Variants in KCND3 observed in about 807,000 individuals in gnomAD.
The protein encoded by KCND3 is A-type voltage-gated potassium channel KCND3.
A neutral mutation model predicts 51.1 loss-of-function variants in KCND3; 9 were observed. The ratio of observed to expected loss-of-function variants is 0.18; its 90% CI spans 0.11 to 0.31. The LOEUF is 0.31. KCND3 is among the 10% of genes least tolerant of loss of function. KCND3 has a pLI of 1.00. For missense variants in KCND3, 526 were observed against 903.8 expected, an observed-to-expected ratio of 0.58 and a Z score of 5.36; for synonymous variants, 349 against 368.0, an observed-to-expected ratio of 0.95 and a Z score of 0.59.
rs1256873692 is a variant in KCND3 at position 111,770,669 on chromosome 1, G to A, written c.*5408C>T. Reference sequence around the variant, plus strand: ...TATTCAAAGAAACAGTCATTTTAGGGTTTGTGGCACATAATTTGTTTAATC... The same window carrying A: ...TATTCAAAGAAACAGTCATTTTAGGATTTGTGGCACATAATTTGTTTAATC... On this transcript the variant is annotated 3_prime_UTR_variant, in exon 8 of 8. Transcript: ENST00000302127. The A allele has an allele frequency of 6.6e-6, 1 of 152,178 alleles. No homozygotes were observed. Among genetic ancestry groups the A allele is most frequent in the African/African-American group, 2.4e-5 (1 of 41,450 alleles). 9.4% of individuals were successfully genotyped at this position (152,178 alleles called of 1,614,324 possible). A position where few individuals can be genotyped will look rare whatever the true frequency, so the allele number is the denominator to read the frequency against.
In KCND3 at chr1:111,929,734, C is replaced by T. The variant is rs17029098; in HGVS notation, c.1106+51887G>A. On this transcript the variant is annotated intron_variant, in intron 2 of 7. Transcript: ENST00000302127. ...TGTCAAAGCAGTGCTCCTGGAGCTG[C>T]AGAGCTGAGTGGACAGGAACACCCT... Among the ~76,000 whole-genome samples the T allele has an allele frequency of 6.4e-3, 974 of 152,296 alleles. 11 individuals are homozygous for T. The highest frequency in any genetic ancestry group is 0.022 in the African/African-American group (899 of 41,564).
intron 2 of KCND3, among the ~76,000 whole-genome samples, chr1:111,957,560 A>T (rs1205035390): frequency 2.0e-5 from 3 of 146,988 alleles, no homozygotes; most frequent in South Asian, 2.2e-4. Context: ...ATATAAGTTT[A>T]AAAAAAAAAA....
At chr1:111,785,692 G>A (rs1664572785) in intron 3 of KCND3, among the ~76,000 whole-genome samples, 1 of 152,096 alleles carries the variant, frequency 6.6e-6, no homozygotes, top group Admixed American at 6.5e-5. Flanking sequence ...AACCTTTATA[G>A]CTTTGTGATG....
At chr1:111,857,533 A>G (rs1668135692) in intron 2 of KCND3, among the ~76,000 whole-genome samples, 1 of 152,164 alleles carries the variant, frequency 6.6e-6, no homozygotes, top group Non-Finnish European at 1.5e-5. Context: ...GGCAACCCTC[A>G]GTCAGAAGAA....
chr1:111,965,438 C>CCCCACACACACACACACACA (rs1553184422), intron 2 of KCND3, among the ~76,000 whole-genome samples: 3 of 72,420 alleles, frequency 4.1e-5, no homozygotes, highest in East Asian at 1.2e-3. Context: ...GCCAGCAAAA[C>CCCCACACACACACACACACA]CACACACACA....
rs537300041 is a variant in KCND3 at position 111,861,379 on chromosome 1, A to G, written c.1107-74273T>C. On this transcript the variant is annotated intron_variant, in intron 2 of 7. Coordinates refer to ENST00000302127, the MANE Select transcript of KCND3 (RefSeq NM_001378969.1). ...GCACATAGAGGTACTTTATGTGTAG[A>G]TTTAGGGATCCTTCTAAACTTCAAC... Among the ~76,000 whole-genome samples, 11 of 152,242 alleles carry G rather than the reference A, an allele frequency of 7.2e-5. No homozygotes were observed. The East Asian group carries it at 1.9e-3, about 27-fold the overall frequency.
intron 2 of KCND3, among the ~76,000 whole-genome samples, chr1:111,850,996 G>C (rs903923284): frequency 2.0e-5 from 3 of 152,086 alleles, no homozygotes; most frequent in Admixed American, 2.0e-4. Flanking sequence ...TTGAGCTCCT[G>C]TACTGTGCAG....
rs780973313 is a variant in KCND3, at chr1:111,780,651, C to A, written c.1371+39G>T. The A allele has an allele frequency of 9.9e-6, 15 of 1,511,414 alleles. No individual in the cohort carries two copies. Among genetic ancestry groups the A allele is most frequent in the Non-Finnish European group, 1.4e-5 (15 of 1,100,022 alleles). The allele number at this position is 1,511,414 out of a possible 1,614,324, so 93.6% of individuals were successfully genotyped here. On this transcript the variant is annotated intron_variant, in intron 4 of 7. Coordinates refer to ENST00000302127, the MANE Select transcript of KCND3 (RefSeq NM_001378969.1). The surrounding 1 kb of genome is among the most constrained non-coding windows in gnomAD (Gnocchi z 4.2). The stretch of plus-strand genomic sequence containing the variant: ...GGAAAGAGAAAACAAGCCCATCTAC[C>A]CCTTTATGTTCCCTAGCCCAGGTCC...
intron 2 of KCND3, among the ~76,000 whole-genome samples, chr1:111,792,245 T>C (rs1277786134): frequency 6.6e-6 from 1 of 152,182 alleles, no homozygotes; most frequent in East Asian, 1.9e-4. Context: ...CATTAGTGGG[T>C]CTCACAGTAA....
At chr1:111,792,058 TA>T (rs1490747203) in intron 2 of KCND3, among the ~76,000 whole-genome samples, 1 of 152,204 alleles carries the variant, frequency 6.6e-6, no homozygotes, top group African/African-American at 2.4e-5. Context: ...CTATATAGTC[TA>T]TAGGACACTG....
intron 2 of KCND3, among the ~76,000 whole-genome samples, chr1:111,797,379 G>C (rs1665101489): frequency 6.6e-6 from 1 of 152,272 alleles, no homozygotes; most frequent in Admixed American, 6.5e-5. Context: ...CCTGCGCACT[G>C]TCTACTCCAC....
At chr1:111,820,234 C>A (rs1356681133) in intron 2 of KCND3, among the ~76,000 whole-genome samples, 1 of 152,204 alleles carries the variant, frequency 6.6e-6, no homozygotes, top group East Asian at 1.9e-4. Flanking sequence ...GTAGCCCTCA[C>A]TTCCTGGAAT....
chr1:111,931,815 C>G (rs985085000), intron 2 of KCND3, among the ~76,000 whole-genome samples: 3 of 152,186 alleles, frequency 2.0e-5, no homozygotes, highest in African/African-American at 7.2e-5. Context: ...CTCCCTTTTC[C>G]CACTAGGACA....
chr1:111,881,751 A>T (rs1378789492), intron 2 of KCND3, among the ~76,000 whole-genome samples: 1 of 152,132 alleles, frequency 6.6e-6, no homozygotes, highest in Non-Finnish European at 1.5e-5. Flanking sequence ...CCCTCTCTGT[A>T]AAATAAGGCA....
At chr1:111,786,795 G>T in intron 3 of KCND3, 149 bp downstream of exon 3, 1 of 879,460 alleles carries the variant, frequency 1.1e-6, no homozygotes, top group Middle Eastern at 3.3e-4. Context: ...CAGGAGACTG[G>T]TGAGCAGGAA....
chr1:111,918,101 G>A (rs1671307183), intron 2 of KCND3, among the ~76,000 whole-genome samples: 1 of 152,186 alleles, frequency 6.6e-6, no homozygotes, highest in African/African-American at 2.4e-5. Context: ...CATAATAAGT[G>A]CTCAGTAAAT....
At chr1:111,861,075 CA>C (rs1668316007) in intron 2 of KCND3, among the ~76,000 whole-genome samples, 1 of 152,184 alleles carries the variant, frequency 6.6e-6, no homozygotes, top group Admixed American at 6.5e-5. Context: ...CTCCCATTTC[CA>C]AAGGGCTTCA....
chr1:111,807,442 C>A (rs1309040590), intron 2 of KCND3, among the ~76,000 whole-genome samples: 1 of 152,196 alleles, frequency 6.6e-6, no homozygotes, highest in African/African-American at 2.4e-5. Context: ...CTTTGGGAGG[C>A]CAAGGCGGGT....
chr1:111,894,601 G>A (rs1235637026), intron 2 of KCND3, among the ~76,000 whole-genome samples: 1 of 152,190 alleles, frequency 6.6e-6, no homozygotes, highest in South Asian at 2.1e-4. Context: ...CTCTCTTCCC[G>A]GGAATGAAGG....
Sources: gnomAD v4.1 joint callset for allele counts (sites outside exome capture counted in the v4.1 genomes callset) on GRCh38, gnomAD v4.1.1 for gene constraint, Gnocchi (gnomAD v3.1) non-coding constraint, MANE v1.5 for transcripts, NCBI Gene and HGNC (gene_info 2026-07-23, HGNC 2026-07-21) for gene names.